The following ADAM2 variants were observed in gnomAD, a reference collection of about 807,000 sequenced individuals.
ADAM2 encodes ADAM metallopeptidase domain 2.
ADAM2 carries 101 observed loss-of-function variants against 99.3 expected under a neutral mutation model. That is an observed-to-expected ratio of 1.02 (90% CI 0.87 to 1.20). The LOEUF is 1.20. Ranked by LOEUF, ADAM2 falls within the 50% of genes most tolerant of loss-of-function variation. The probability of loss-of-function intolerance (pLI) is 0.00; values close to 1 mark genes in which losing one functional copy is unlikely to be tolerated. For synonymous variants in ADAM2, 323 were observed against 287.6 expected, an observed-to-expected ratio of 1.12 and a Z score of -1.25; for missense variants, 948 against 878.7, an observed-to-expected ratio of 1.08 and a Z score of -1.00.
At chr8:39,818,812 G>A (rs1805057768) in intron 6 of ADAM2, among the ~76,000 whole-genome samples, 1 of 151,860 alleles carries the variant, frequency 6.6e-6, no homozygotes, top group African/African-American at 2.4e-5. Flanking sequence ...AACATCTAAA[G>A]TAATAACACT....
At chr8:39,821,980 AAAGTT>A (rs1158551962) in intron 4 of ADAM2, among the ~76,000 whole-genome samples, 2 of 152,184 alleles carry the variant, frequency 1.3e-5, no homozygotes, top group African/African-American at 4.8e-5. Flanking sequence ...GTAGATAAGC[AAAGTT>A]AATTTTTAAT....
chr8:39,838,020 T>C (rs181934518), intron 1 of ADAM2, 111 bp downstream of exon 1: 1 of 1,221,820 alleles, frequency 8.2e-7, no homozygotes, highest in Non-Finnish European at 1.2e-6. Context: ...AATTGCTGAG[T>C]TGGAAACCCC....
chr8:39,805,476 T>C (rs1804398205), intron 7 of ADAM2, among the ~76,000 whole-genome samples: 1 of 151,786 alleles, frequency 6.6e-6, no homozygotes, highest in South Asian at 2.1e-4. Context: ...TAAACAAAGA[T>C]AAAACAAGAC....
At chr8:39,792,814 C>T (rs1386089468) in intron 7 of ADAM2, among the ~76,000 whole-genome samples, 14 of 152,092 alleles carry the variant, frequency 9.2e-5, no homozygotes, top group Admixed American at 9.2e-4. Context: ...TTAAAACATT[C>T]TGGTCTATGC....
intron 2 of ADAM2, among the ~76,000 whole-genome samples, 194 bp downstream of exon 2, chr8:39,836,942 C>T (rs115134063): frequency 2.6e-4 from 40 of 152,276 alleles, no homozygotes; most frequent in African/African-American, 9.4e-4. Context: ...TGATAACCAG[C>T]ATCACTGCAC....
At chr8:39,754,985 A>C (rs1406206135) in intron 16 of ADAM2, among the ~76,000 whole-genome samples, 1 of 152,202 alleles carries the variant, frequency 6.6e-6, no homozygotes, top group Non-Finnish European at 1.5e-5. Flanking sequence ...AAGGTTCATA[A>C]AAATTAAGTT....
In ADAM2 at chr8:39,809,415, G is replaced by T; in HGVS notation, c.565C>A (p.Gln189Lys). The change falls in exon 7 of 21, where the codon CAA becomes AAA. Residue 189 changes from glutamine (Q) to lysine (K), a missense_variant. Coordinates refer to ENST00000265708, the MANE Select transcript of ADAM2 (RefSeq NM_001464.5). Reference sequence around the variant, plus strand: ...ATAAATCAGAATATACTTACCAATTGTTTTTCAACTATAACATGCATTTCT... The same window carrying T: ...ATAAATCAGAATATACTTACCAATTTTTTTTCAACTATAACATGCATTTCT... Reference protein sequence around the residue: ...YIEMHVIVEKQLYNHMGSDTT... With the variant: ...YIEMHVIVEKKLYNHMGSDTT... 1 of 1,299,830 alleles carries T rather than the reference G, an allele frequency of 7.7e-7. No individual in the cohort carries two copies. Among genetic ancestry groups the T allele is most frequent in the Non-Finnish European group, 1.1e-6 (1 of 909,986 alleles). 80.5% of individuals were successfully genotyped at this position (1,299,830 alleles called of 1,614,324 possible).
intron 7 of ADAM2, among the ~76,000 whole-genome samples, chr8:39,792,194 C>T (rs1484725591): frequency 6.6e-6 from 1 of 151,520 alleles, no homozygotes; most frequent in Non-Finnish European, 1.5e-5. Flanking sequence ...TTCTCTTATG[C>T]TCAAAATGTA....
intron 2 of ADAM2, among the ~76,000 whole-genome samples, chr8:39,835,544 T>A (rs7004860): frequency 3.3e-5 from 5 of 152,062 alleles, no homozygotes; most frequent in South Asian, 2.1e-4. Flanking sequence ...CTAGCTGGGC[T>A]TGGTGGCAGG....
At chr8:39,804,691 G>A (rs1361498546) in intron 7 of ADAM2, among the ~76,000 whole-genome samples, 2 of 152,064 alleles carry the variant, frequency 1.3e-5, no homozygotes, top group African/African-American at 4.8e-5. Context: ...AAAAAATTAT[G>A]ATATGAGTAT....
chr8:39,820,441 T>A (rs1440137836), intron 6 of ADAM2, among the ~76,000 whole-genome samples: 2 of 152,094 alleles, frequency 1.3e-5, no homozygotes, highest in African/African-American at 4.8e-5. Context: ...AGCAGTGGGA[T>A]CCTGAAAATT....
intron 18 of ADAM2, among the ~76,000 whole-genome samples, chr8:39,748,507 C>T (rs1823565439): frequency 1.3e-5 from 2 of 152,108 alleles, no homozygotes; most frequent in Non-Finnish European, 2.9e-5. Context: ...TTAATAACTA[C>T]CTATGACTCA....
rs898566100 is a variant in ADAM2, at chr8:39,793,514, C to A, written c.571-4774G>T. On this transcript the variant is annotated intron_variant, in intron 7 of 20. Transcript: ENST00000265708. ...AGAAGGTAGAGATTACAATGAGAAA[C>A]CTGACTTGTAACCACTTGAGGCAAT... is the stretch of plus-strand genomic sequence containing the variant. Among the ~76,000 whole-genome samples the A allele has an allele frequency of 4.6e-5, 7 of 152,092 alleles. 1 individual carries two copies. The highest frequency in any genetic ancestry group is 8.8e-5 in the Non-Finnish European group (6 of 68,010).
chr8:39,837,069 A>C, intron 2 of ADAM2, 67 bp downstream of exon 2: 1 of 1,315,658 alleles, frequency 7.6e-7, no homozygotes. Context: ...AAAATGGCAG[A>C]TTAACTTCTT....
chr8:39,775,084 T>G (rs937424624), intron 11 of ADAM2, among the ~76,000 whole-genome samples: 5 of 152,052 alleles, frequency 3.3e-5, no homozygotes, highest in Non-Finnish European at 5.9e-5. Context: ...CACAGGAAAA[T>G]GTACAGAATA....
At chr8:39,804,152 A>C (rs1804333649) in intron 7 of ADAM2, among the ~76,000 whole-genome samples, 3 of 152,244 alleles carry the variant, frequency 2.0e-5, no homozygotes, top group Admixed American at 2.0e-4. Context: ...AAGGCAAGAC[A>C]GTGGGGAGCA....
chr8:39,834,859 A>G (rs1805760002), intron 2 of ADAM2, among the ~76,000 whole-genome samples: 1 of 151,294 alleles, frequency 6.6e-6, no homozygotes, highest in African/African-American at 2.4e-5. Flanking sequence ...AACTGTTAAG[A>G]GTTTTTAACC....
intron 20 of ADAM2, 131 bp downstream of exon 20, chr8:39,744,699 C>T (rs1823375561): frequency 3.7e-6 from 2 of 547,320 alleles, no homozygotes; most frequent in Non-Finnish European, 6.3e-6. Context: ...GGCTTAAAAC[C>T]TAGATGACGG....
intron 11 of ADAM2, among the ~76,000 whole-genome samples, chr8:39,775,214 G>A (rs1802941827): frequency 6.6e-6 from 1 of 152,074 alleles, no homozygotes; most frequent in Admixed American, 6.6e-5. Flanking sequence ...AGTGTCCTAG[G>A]AAAAAGGCTG....
Sources: allele counts gnomAD v4.1 joint callset (sites outside exome capture counted in the v4.1 genomes callset), GRCh38; gene constraint gnomAD v4.1.1; transcripts MANE v1.5; gene names NCBI Gene and HGNC (gene_info 2026-07-23, HGNC 2026-07-21).